The following ADAM12 variants were observed in gnomAD, a reference collection of about 807,000 sequenced individuals.
ADAM12 encodes ADAM metallopeptidase domain 12.
In ADAM12, 70 loss-of-function variants were observed where a neutral mutation model predicts 106.4. The ratio of observed to expected loss-of-function variants is 0.66; its 90% CI spans 0.54 to 0.80. ADAM12 has a LOEUF of 0.80. Ranked by LOEUF, ADAM12 falls within the 30% of genes least tolerant of loss-of-function variation. ADAM12 has a pLI of 0.00. For synonymous variants in ADAM12, 420 were observed against 433.5 expected (o/e 0.97, Z 0.39); for missense variants, 1,010 against 1,171.9 (o/e 0.86, Z 2.02).
chr10:126,038,176 G>A, intron 20 of ADAM12, 65 bp downstream of exon 20: 1 of 1,372,278 alleles, frequency 7.3e-7, no homozygotes, highest in Non-Finnish European at 1.0e-6. Flanking sequence ...TTCTTATTCA[G>A]TCTCGTATTG....
chr10:126,288,053 C>T (rs1284843148), intron 2 of ADAM12, among the ~76,000 whole-genome samples: 1 of 151,868 alleles, frequency 6.6e-6, no homozygotes, highest in East Asian at 1.9e-4. Context: ...TGCAAAGGTC[C>T]CCTGAGGAGG....
intron 3 of ADAM12, among the ~76,000 whole-genome samples, chr10:126,222,884 T>A (rs1287564779): frequency 1.3e-5 from 2 of 152,196 alleles, no homozygotes; most frequent in Non-Finnish European, 2.9e-5. Context: ...TCTCAGCCTT[T>A]ATCCAATGCG....
intron 3 of ADAM12, among the ~76,000 whole-genome samples, chr10:126,178,406 A>ACCT (rs1554982133): frequency 1.8e-4 from 22 of 120,840 alleles, no homozygotes; most frequent in African/African-American, 7.2e-4. Flanking sequence ...ATTGGAGGAC[A>ACCT]TCTTTTTTTT....
At chr10:126,334,288 T>G (rs2133857518) in intron 1 of ADAM12, among the ~76,000 whole-genome samples, 1 of 152,282 alleles carries the variant, frequency 6.6e-6, no homozygotes, top group South Asian at 2.1e-4. Flanking sequence ...TATATTTTAT[T>G]TTTCATAATA....
intron 3 of ADAM12, among the ~76,000 whole-genome samples, chr10:126,263,507 C>T (rs993215275): frequency 3.3e-5 from 5 of 151,874 alleles, no homozygotes; most frequent in Admixed American, 3.3e-4. Context: ...CAGTAACAGG[C>T]ATGCATCATA....
intron 14 of ADAM12, among the ~76,000 whole-genome samples, chr10:126,062,638 G>C (rs576799151): frequency 1.3e-5 from 2 of 152,314 alleles, no homozygotes; most frequent in Non-Finnish European, 2.9e-5. Flanking sequence ...AGCCAGCTGA[G>C]TCACACAATG....
intron 1 of ADAM12, among the ~76,000 whole-genome samples, chr10:126,371,250 T>C (rs1335654083): frequency 5.3e-5 from 8 of 152,210 alleles, no homozygotes; most frequent in Non-Finnish European, 1.2e-4. Flanking sequence ...AATCCCTTTA[T>C]GGAATTCCTC....
intron 1 of ADAM12, among the ~76,000 whole-genome samples, chr10:126,377,287 G>C (rs868134314): frequency 3.2e-4 from 48 of 152,226 alleles, no homozygotes; most frequent in African/African-American, 1.2e-3. Context: ...GTTTATTAAG[G>C]AGTATTAACT....
chr10:126,230,453 A>ATTC (rs1958288866), intron 3 of ADAM12, among the ~76,000 whole-genome samples: 1 of 152,204 alleles, frequency 6.6e-6, no homozygotes, highest in African/African-American at 2.4e-5. Context: ...CTGTATGTTT[A>ATTC]ATATTCTTAA....
chr10:126,095,533 CAA>C (rs11396229), intron 10 of ADAM12, among the ~76,000 whole-genome samples: 116 of 46,566 alleles, frequency 2.5e-3, no homozygotes, highest in African/African-American at 0.013. Flanking sequence ...GACTCTGTCT[CAA>C]AAAAAAAAAA....
At chr10:126,271,228 G>A (rs779278506) in intron 3 of ADAM12, among the ~76,000 whole-genome samples, 2 of 152,126 alleles carry the variant, frequency 1.3e-5, no homozygotes, top group African/African-American at 4.8e-5. Flanking sequence ...TATTCTCATC[G>A]AAGGCATCAC....
intron 3 of ADAM12, among the ~76,000 whole-genome samples, chr10:126,159,284 T>C (rs1271813564): frequency 2.7e-5 from 3 of 112,524 alleles, no homozygotes; most frequent in African/African-American, 1.1e-4. Flanking sequence ...CACTCCAGCC[T>C]GGGCAACAGA....
intron 3 of ADAM12, among the ~76,000 whole-genome samples, chr10:126,255,085 CA>C (rs1379722202): frequency 2.6e-5 from 4 of 152,196 alleles, no homozygotes; most frequent in African/African-American, 9.6e-5. Context: ...AGCTTTGGGG[CA>C]TTCCTGTCGT....
chr10:126,363,225 A>G (rs1855798678), intron 1 of ADAM12, among the ~76,000 whole-genome samples: 1 of 152,244 alleles, frequency 6.6e-6, no homozygotes, highest in Non-Finnish European at 1.5e-5. Context: ...CTGGTTCAAT[A>G]AGAAATAGCA....
chr10:126,319,437 C>A (rs920165914), intron 2 of ADAM12, among the ~76,000 whole-genome samples: 3 of 152,156 alleles, frequency 2.0e-5, no homozygotes, highest in Non-Finnish European at 4.4e-5. Context: ...CCTCTGTGAT[C>A]TGCTGCCCAA....
intron 3 of ADAM12, among the ~76,000 whole-genome samples, chr10:126,203,950 GT>G (rs2133824522): frequency 6.6e-6 from 1 of 152,308 alleles, no homozygotes; most frequent in Non-Finnish European, 1.5e-5. Flanking sequence ...GTGTGTGTGT[GT>G]GTGTGTGTGT....
intron 5 of ADAM12, among the ~76,000 whole-genome samples, chr10:126,119,696 T>C (rs1956050269): frequency 6.6e-6 from 1 of 152,220 alleles, no homozygotes; most frequent in Admixed American, 6.5e-5. Flanking sequence ...CTGAAGACTC[T>C]AACTTGCAGA....
intron 2 of ADAM12, among the ~76,000 whole-genome samples, chr10:126,312,315 T>C (rs2133818837): frequency 6.6e-6 from 1 of 152,010 alleles, no homozygotes; most frequent in African/African-American, 2.4e-5. Flanking sequence ...AGCGGGGCCT[T>C]CCAAGCACAC....
At chr10:126,029,442 C>A (rs779580158) in intron 21 of ADAM12, among the ~76,000 whole-genome samples, 5 of 152,178 alleles carry the variant, frequency 3.3e-5, no homozygotes, top group Non-Finnish European at 1.5e-5. Flanking sequence ...TTTGCAGAGA[C>A]ATGGATGGAG....
Sources: gnomAD v4.1 joint callset for allele counts (sites outside exome capture counted in the v4.1 genomes callset) on GRCh38, gnomAD v4.1.1 for gene constraint, MANE v1.5 for transcripts, NCBI Gene and HGNC (gene_info 2026-07-23, HGNC 2026-07-21) for gene names.